SRI: variants seen among roughly 807,000 people sequenced by gnomAD.
The protein encoded by SRI is 22 kDa protein.
SRI carries 30 observed loss-of-function variants against 33.3 expected under a neutral mutation model. The observed-to-expected ratio is 0.90, with a 90% confidence interval of 0.67 to 1.22. The LOEUF (loss-of-function observed/expected upper bound fraction) is 1.22. Among genes scored for constraint, SRI ranks in the 50% most tolerant of loss-of-function variants. The probability of loss-of-function intolerance (pLI) is 0.00; values close to 1 mark genes in which losing one functional copy is unlikely to be tolerated. For missense variants in SRI, 243 were observed against 250.8 expected (o/e 0.97, Z 0.21); for synonymous variants, 75 against 89.9 (o/e 0.83, Z 0.94).
upstream of SRI, chr7:88,220,092 C>T (rs1046340989): frequency 1.6e-5 from 23 of 1,451,208 alleles, no homozygotes; most frequent in African/African-American, 2.5e-4. Flanking sequence ...TGCCCCGCCC[C>T]GCCCTGCCGC....
intron 1 of SRI, among the ~76,000 whole-genome samples, chr7:88,226,009 T>G (rs1019819215): frequency 6.6e-6 from 1 of 152,168 alleles, no homozygotes; most frequent in African/African-American, 2.4e-5. Context: ...AGTCTCTACA[T>G]CTTTTACTTG....
At chr7:88,219,283 T>C in intron 1 of SRI, 1 of 345,772 alleles carries the variant, frequency 2.9e-6, no homozygotes, top group Non-Finnish European at 5.6e-6. Context: ...CTTTTGTTGT[T>C]ACAGCATTTA....
upstream of SRI, among the ~76,000 whole-genome samples, chr7:88,221,568 T>A (rs1851888645): frequency 6.6e-6 from 1 of 152,192 alleles, no homozygotes; most frequent in Admixed American, 6.5e-5. Context: ...TTGAAAGAAG[T>A]ATAAAGCATA....
intron 6 of SRI, 60 bp from the exon 7 acceptor site, chr7:88,208,625 A>G: frequency 2.5e-6 from 4 of 1,598,372 alleles, no homozygotes; most frequent in Non-Finnish European, 3.4e-6. Flanking sequence ...TAAAATCATA[A>G]AAGTTAGTTA....
At chr7:88,218,268 A>G (rs1851782804) in intron 2 of SRI, among the ~76,000 whole-genome samples, 1 of 152,192 alleles carries the variant, frequency 6.6e-6, no homozygotes, top group African/African-American at 2.4e-5. Context: ...CAGACAAGTG[A>G]AAGGTCTTGG....
Position 88,218,875 on chromosome 7 carries a change from GCAAAGTAAC to G in SRI, c.110_118del (p.Gly37_Phe39del). On this transcript the variant is annotated inframe_deletion, in exon 2 of 8. Transcript: ENST00000265729. The stretch of plus-strand genomic sequence containing the variant: ...AAAGCTAACCTGTCCAGCTACAGCA[GCAAAGTAAC>G]CATACAGCGGATCCTGAGTTTGTCC... 6.2e-7 allele frequency: 1 copy of G among 1,614,100 alleles called. No individual in the cohort carries two copies. The highest frequency in any genetic ancestry group is 1.1e-5 in the South Asian group (1 of 91,078).
intron 7 of SRI, chr7:88,207,533 A>C (rs931128500): frequency 6.6e-6 from 1 of 152,182 alleles, no homozygotes; most frequent in African/African-American, 2.4e-5. Flanking sequence ...TTTGTTTTTA[A>C]ATCAATGGCT....
rs568368990 is a variant in SRI, at chr7:88,209,346, A to G, written c.504T>C (p.Ala168=). ...DYIACCVKLR[A]LTDSFRRRDT... ...CGACCTTATAGAACTCACCTGTAAG[A>G]GCCCTCAGTTTGACGCAGCAGGCGA... The change falls in exon 6 of 8, where the codon GCT becomes GCC. Residue 168 remains alanine (A), a synonymous_variant. Transcript: ENST00000265729. 47 of 1,613,544 alleles carry G rather than the reference A, an allele frequency of 2.9e-5. No homozygotes were observed. The highest frequency in any genetic ancestry group is 3.8e-5 in the Non-Finnish European group (45 of 1,179,618).
At chr7:88,214,808 C>A in intron 3 of SRI, 1 of 1,074,622 alleles carries the variant, frequency 9.3e-7, no homozygotes, top group Non-Finnish European at 1.1e-6. Context: ...TACTCTTTTT[C>A]TTCTCTTCTG....
chr7:88,211,005 G>T, intron 3 of SRI, 80 bp from the exon 4 acceptor site: 1 of 1,098,660 alleles, frequency 9.1e-7, no homozygotes, highest in Non-Finnish European at 1.4e-6. Flanking sequence ...AAATTAATTA[G>T]AAATATGATT....
chr7:88,205,247 T>C lies in SRI; in HGVS notation c.*1231A>G, dbSNP rs1033873035. On this transcript the variant is annotated 3_prime_UTR_variant, in exon 8 of 8. Coordinates refer to ENST00000265729, the MANE Select transcript of SRI (RefSeq NM_003130.4). ...GAAAATAGACTAATTTCATTTTTTATCTGTTAAGCTCTCTTGATAAAAAAG... is the reference window on the plus strand; with the variant it reads ...GAAAATAGACTAATTTCATTTTTTACCTGTTAAGCTCTCTTGATAAAAAAG... The C allele has an allele frequency of 6.6e-5, 10 of 152,250 alleles. No homozygotes were observed. The highest frequency in any genetic ancestry group is 1.5e-5 in the Non-Finnish European group (1 of 68,042). The allele number at this position is 152,250 out of a possible 1,614,324, so 9.4% of individuals were successfully genotyped here.
At chr7:88,211,856 T>TA (rs892778327) in intron 3 of SRI, among the ~76,000 whole-genome samples, 2 of 152,224 alleles carry the variant, frequency 1.3e-5, no homozygotes, top group Non-Finnish European at 2.9e-5. Context: ...TTAGGAGTAT[T>TA]ATGAGGGCAT....
At chr7:88,209,844 G>A (rs1018790906) in intron 5 of SRI, 139 bp downstream of exon 5, 47 of 1,099,434 alleles carry the variant, frequency 4.3e-5, no homozygotes, top group Non-Finnish European at 5.7e-5. Flanking sequence ...TCGAACTCCC[G>A]AGCTCAGGCA....
intron 1 of SRI, chr7:88,226,894 A>C (rs1852011011): frequency 6.2e-7 from 1 of 1,612,532 alleles, no homozygotes; most frequent in Non-Finnish European, 8.5e-7. Flanking sequence ...TATTATATAC[A>C]TATCATTTAC....
At chr7:88,220,077 C>CTT (rs748461436), upstream of SRI, 1 of 1,478,800 alleles carries the variant, frequency 6.8e-7, no homozygotes, top group East Asian at 2.8e-5. Context: ...GGCCTCTCCG[C>CTT]CCCCTGCCCC....
At chr7:88,220,539 A>C (rs1851867423), upstream of SRI, among the ~76,000 whole-genome samples, 1 of 152,198 alleles carries the variant, frequency 6.6e-6, no homozygotes, top group African/African-American at 2.4e-5. Flanking sequence ...TGGAAATACG[A>C]AAGCGCCCTT....
intron 7 of SRI, 98 bp from the exon 8 acceptor site, chr7:88,206,602 G>C: frequency 1.4e-6 from 2 of 1,380,346 alleles, no homozygotes; most frequent in Non-Finnish European, 2.1e-6. Context: ...TTTGAACACG[G>C]GTAAAACAAC....
At chr7:88,214,963 G>T (rs1851671696) in intron 3 of SRI, 1 of 554,348 alleles carries the variant, frequency 1.8e-6, no homozygotes, top group Non-Finnish European at 3.2e-6. Context: ...AAGAGAAGCT[G>T]AATTACAATC....
intron 3 of SRI, among the ~76,000 whole-genome samples, chr7:88,213,635 T>C (rs1295530309): frequency 6.6e-6 from 1 of 152,182 alleles, no homozygotes. Context: ...ACCCAGGCAT[T>C]GATTGTGGCT....
Sources: allele counts gnomAD v4.1 joint callset (sites outside exome capture counted in the v4.1 genomes callset), GRCh38; gene constraint gnomAD v4.1.1; transcripts MANE v1.5; gene names NCBI Gene and HGNC (gene_info 2026-07-23, HGNC 2026-07-21).